ARL6IP5: variants seen among roughly 807,000 people sequenced by gnomAD.
The protein encoded by ARL6IP5 is PRA1 family protein 3.
ARL6IP5 carries 6 observed loss-of-function variants against 13.0 expected under a neutral mutation model. The ratio of observed to expected loss-of-function variants is 0.46; its 90% confidence interval spans 0.25 to 0.91. The LOEUF is 0.91. Among genes scored for constraint, ARL6IP5 ranks in the 40% least tolerant of loss-of-function variants. The pLI is 0.17. For missense variants in ARL6IP5, 208 were observed against 248.8 expected (o/e 0.84, Z 1.10); for synonymous variants, 91 against 91.9 (o/e 0.99, Z 0.06).
rs1475990458 is a variant in ARL6IP5, at chr3:69,104,916, TA to T, written c.*288del. 2.9e-5 allele frequency: 20 copies of T among 691,702 alleles called. No individual in the cohort carries two copies. Among genetic ancestry groups the T allele is most frequent in the South Asian group, 9.3e-5 (6 of 64,674 alleles). The allele number at this position is 691,702 out of a possible 1,614,324, so 42.8% of individuals were successfully genotyped here. ...GATCACACGATTTCTTTAAGGGAAT[TA>T]AAAAAAATAAAAGAATTACGGCTTT... On this transcript the variant is annotated 3_prime_UTR_variant, in exon 3 of 3. Coordinates refer to ENST00000273258, the MANE Select transcript of ARL6IP5 (RefSeq NM_006407.4).
At chr3:69,095,128 G>A (rs990883028) in intron 1 of ARL6IP5, among the ~76,000 whole-genome samples, 1 of 152,118 alleles carries the variant, frequency 6.6e-6, no homozygotes, top group Admixed American at 6.5e-5. Context: ...TGCCACAACT[G>A]GCACCCTTGT....
chr3:69,100,465 T>G (rs1339091064), intron 1 of ARL6IP5, among the ~76,000 whole-genome samples: 2 of 152,040 alleles, frequency 1.3e-5, no homozygotes, highest in African/African-American at 4.8e-5. Context: ...AAGAGAGCGA[T>G]TCAGGCCAGC....
chr3:69,085,318 C>T (rs2092244239), intron 1 of ARL6IP5, 95 bp downstream of exon 1: 1 of 1,432,666 alleles, frequency 7.0e-7, no homozygotes, highest in Admixed American at 2.2e-5. Context: ...GCTCTCTGAC[C>T]ACGCTCAGCG....
Position 69,101,975 on chromosome 3 carries a change from G to T in ARL6IP5, c.313G>T (p.Val105Phe), listed in dbSNP as rs746821005. The change falls in exon 2 of 3, where the codon GTC becomes TTC. Residue 105 changes from valine (V) to phenylalanine (F), a missense_variant. Coordinates refer to ENST00000273258, the MANE Select transcript of ARL6IP5 (RefSeq NM_006407.4). ...KRYPTTFVMVVMLASYFLISM... is the reference protein window; with the variant it reads ...KRYPTTFVMVFMLASYFLISM... ...CTACCCCACGACGTTCGTTATGGTG[G>T]TCATGTTGGCGAGCTATTTCCTTAT... 1 of 1,613,986 alleles carries T rather than the reference G, an allele frequency of 6.2e-7. No individual in the cohort carries two copies. The highest frequency in any genetic ancestry group is 8.5e-7 in the Non-Finnish European group (1 of 1,180,036).
Position 69,101,851 on chromosome 3 carries a change from C to T in ARL6IP5, c.189C>T (p.Pro63=), listed in dbSNP as rs747011582. 5 of 1,613,392 alleles carry T rather than the reference C, an allele frequency of 3.1e-6. No homozygotes were observed. The highest frequency in any genetic ancestry group is 2.2e-5 in the East Asian group (1 of 44,868). Residue 63 remains proline, a synonymous_variant, in exon 2 of 3, where the codon CCC becomes CCT. Coordinates refer to ENST00000273258, the MANE Select transcript of ARL6IP5 (RefSeq NM_006407.4). ...MMISIVGFLS[P]FNMILGGIVV... is the part of the protein sequence containing the mutation. The stretch of plus-strand genomic sequence containing the variant: ...CCTCATATTTCAGGTTTCTGAGTCC[C>T]TTCAACATGATCCTGGGAGGAATCG...
chr3:69,091,958 A>G (rs2092268807), intron 1 of ARL6IP5, among the ~76,000 whole-genome samples: 1 of 152,156 alleles, frequency 6.6e-6, no homozygotes, highest in Non-Finnish European at 1.5e-5. Flanking sequence ...GGACAAATGA[A>G]TTCTATCCTT....
intron 1 of ARL6IP5, among the ~76,000 whole-genome samples, chr3:69,091,596 C>T (rs1415020040): frequency 6.6e-6 from 1 of 151,724 alleles, no homozygotes; most frequent in African/African-American, 2.4e-5. Flanking sequence ...GGCTGGCACA[C>T]CTTTGATACT....
intron 1 of ARL6IP5, among the ~76,000 whole-genome samples, chr3:69,095,897 GT>G (rs1442306423): frequency 6.6e-6 from 1 of 152,162 alleles, no homozygotes; most frequent in African/African-American, 2.4e-5. Context: ...GGAAAGTTTT[GT>G]CCTAAAAGTC....
chr3:69,097,421 G>A (rs1024577081), intron 1 of ARL6IP5, among the ~76,000 whole-genome samples: 10 of 150,450 alleles, frequency 6.6e-5, no homozygotes, highest in Non-Finnish European at 7.4e-5. Flanking sequence ...CGATGCATCC[G>A]CCACCTCGGC....
chr3:69,092,620 C>G (rs904842467), intron 1 of ARL6IP5, among the ~76,000 whole-genome samples: 4 of 152,140 alleles, frequency 2.6e-5, no homozygotes, highest in African/African-American at 9.7e-5. Context: ...CAGGCACGCA[C>G]AACTATGCCT....
At chr3:69,093,362 T>C (rs1022027324) in intron 1 of ARL6IP5, among the ~76,000 whole-genome samples, 1 of 152,196 alleles carries the variant, frequency 6.6e-6, no homozygotes. Flanking sequence ...ATGACCTTTC[T>C]GTAACAAAAG....
At chr3:69,094,780 A>G (rs570163872) in intron 1 of ARL6IP5, among the ~76,000 whole-genome samples, 32 of 152,304 alleles carry the variant, frequency 2.1e-4, no homozygotes, top group African/African-American at 7.0e-4. Context: ...CAACTTTGCA[A>G]TTGGTGGCCT....
At chr3:69,102,096 T>C (rs773628531) in intron 2 of ARL6IP5, 40 bp downstream of exon 2, 18 of 1,584,768 alleles carry the variant, frequency 1.1e-5, no homozygotes, top group South Asian at 5.5e-5. Flanking sequence ...ATCAAAAAAA[T>C]GTAGAAGCAA....
intron 1 of ARL6IP5, among the ~76,000 whole-genome samples, chr3:69,093,450 T>C (rs2092275985): frequency 6.6e-6 from 1 of 152,178 alleles, no homozygotes; most frequent in Non-Finnish European, 1.5e-5. Context: ...GACACTGTTC[T>C]CATTTACTCA....
At chr3:69,093,866 G>A (rs1033880194) in intron 1 of ARL6IP5, among the ~76,000 whole-genome samples, 10 of 152,184 alleles carry the variant, frequency 6.6e-5, no homozygotes, top group African/African-American at 2.2e-4. Context: ...GCTGAGGAAG[G>A]TCACTTGAGT....
chr3:69,090,503 T>G (rs2092261914), intron 1 of ARL6IP5, among the ~76,000 whole-genome samples: 1 of 152,190 alleles, frequency 6.6e-6, no homozygotes, highest in South Asian at 2.1e-4. Flanking sequence ...CACACCTACA[T>G]AAACACATCC....
At chr3:69,087,370 C>A (rs2092251745) in intron 1 of ARL6IP5, among the ~76,000 whole-genome samples, 1 of 151,572 alleles carries the variant, frequency 6.6e-6, no homozygotes, top group Non-Finnish European at 1.5e-5. Flanking sequence ...TTGTTTTTTT[C>A]TTTCTCTTTG....
chr3:69,087,126 T>C (rs752459842), intron 1 of ARL6IP5, among the ~76,000 whole-genome samples: 2 of 152,276 alleles, frequency 1.3e-5, no homozygotes, highest in Non-Finnish European at 2.9e-5. Flanking sequence ...GCTCAAGCAA[T>C]CCACCTACCT....
chr3:69,101,524 T>C (rs573637089), intron 1 of ARL6IP5, among the ~76,000 whole-genome samples: 184 of 151,918 alleles, frequency 1.2e-3, no homozygotes, highest in African/African-American at 3.7e-3. Flanking sequence ...TTTTGCCATG[T>C]TGCCTGGGTT....
Sources: allele counts gnomAD v4.1 joint callset (sites outside exome capture counted in the v4.1 genomes callset), GRCh38; gene constraint gnomAD v4.1.1; transcripts MANE v1.5; gene names NCBI Gene and HGNC (gene_info 2026-07-23, HGNC 2026-07-21).